RNLS: variants seen among roughly 807,000 people sequenced by gnomAD.
The protein encoded by RNLS is renalase, FAD dependent amine oxidase.
Under a neutral mutation model 39.8 loss-of-function variants are expected in RNLS, and 39 were observed. The ratio of observed to expected loss-of-function variants is 0.98; its 90% CI spans 0.76 to 1.28. RNLS has a LOEUF of 1.28. Ranked by LOEUF, RNLS falls within the 50% of genes most tolerant of loss-of-function variation. RNLS has a pLI of 0.00. For synonymous variants in RNLS, 147 were observed against 150.7 expected (o/e 0.98, Z 0.18); for missense variants, 410 against 413.3 (o/e 0.99, Z 0.07).
At chr10:88,574,976 T>C (rs1012255606) in intron 3 of RNLS, among the ~76,000 whole-genome samples, 2 of 151,790 alleles carry the variant, frequency 1.3e-5, no homozygotes, top group African/African-American at 2.4e-5. Context: ...TTTCTCATAA[T>C]ATTCCTTTGA....
At position 88,572,654 on chromosome 10, in the gene RNLS, A is replaced by ATCCTTC. The variant is rs2134445922; in HGVS notation, c.526+248_526+249insGAAGGA. 1.3e-5 allele frequency among the ~76,000 whole-genome samples: 2 copies of ATCCTTC among 152,332 alleles called. 1 individual carries two copies. Among genetic ancestry groups the ATCCTTC allele is most frequent in the East Asian group, 3.9e-4 (2 of 5,186 alleles). On this transcript the variant is annotated intron_variant, in intron 4 of 6. Transcript: ENST00000331772. ...GGCAAAATCATTTCATATCCATCAA[A>ATCCTTC]AATACTGACGTGTTGAAGACATGGG...
downstream of RNLS, chr10:88,284,054 T>C: frequency 1.3e-6 from 1 of 786,528 alleles, no homozygotes; most frequent in Non-Finnish European, 1.5e-6. Context: ...GACTACAAAT[T>C]TCCTTCTTCC....
At chr10:88,374,362 ATTAG>A (rs201295018) in intron 4 of RNLS, among the ~76,000 whole-genome samples, 2,057 of 152,234 alleles carry the variant, frequency 0.014, 41 homozygotes, top group African/African-American at 0.047. Flanking sequence ...TCTGTTATTA[ATTAG>A]TTAGTATATA....
chr10:88,179,364 T>C, the RNLS span, among the ~76,000 whole-genome samples: 3 of 152,198 alleles, frequency 2.0e-5, no homozygotes, highest in Non-Finnish European at 4.4e-5. Context: ...GGTAGCAGGC[T>C]AGTTAGTAGA....
At chr10:88,409,513 A>G (rs922508864) in intron 4 of RNLS, among the ~76,000 whole-genome samples, 1 of 152,168 alleles carries the variant, frequency 6.6e-6, no homozygotes, top group African/African-American at 2.4e-5. Flanking sequence ...GTGATTTTAC[A>G]TCTTATCTCC....
At chr10:88,269,878 C>T (rs540553594), downstream of RNLS, among the ~76,000 whole-genome samples, 2 of 152,212 alleles carry the variant, frequency 1.3e-5, no homozygotes, top group South Asian at 2.1e-4. Context: ...GACAGAGTCT[C>T]GCTCTGTTGC....
intron 6 of RNLS, among the ~76,000 whole-genome samples, chr10:88,308,175 C>G (rs1473652082): frequency 6.6e-6 from 1 of 152,186 alleles, no homozygotes; most frequent in African/African-American, 2.4e-5. Flanking sequence ...TATAAACACC[C>G]TGGAAGACAA....
intron 3 of RNLS, among the ~76,000 whole-genome samples, chr10:88,575,583 G>A (rs760143681): frequency 5.3e-5 from 8 of 152,092 alleles, no homozygotes; most frequent in Non-Finnish European, 8.8e-5. Context: ...AACCAGAAAG[G>A]CTTCCTTTCC....
intron 4 of RNLS, among the ~76,000 whole-genome samples, chr10:88,439,060 T>C (rs762851460): frequency 4.6e-5 from 7 of 152,318 alleles, no homozygotes; most frequent in Non-Finnish European, 7.3e-5. Flanking sequence ...CATATTCTCA[T>C]GTGCAGCCCA....
chr10:88,488,512 C>T (rs977827248), intron 4 of RNLS, among the ~76,000 whole-genome samples: 1 of 141,212 alleles, frequency 7.1e-6, no homozygotes, highest in Non-Finnish European at 1.5e-5. Context: ...CGCCATTGCA[C>T]TCCAGCCTAG....
intron 4 of RNLS, among the ~76,000 whole-genome samples, chr10:88,426,215 T>G (rs958219331): frequency 6.6e-5 from 10 of 151,998 alleles, no homozygotes; most frequent in Admixed American, 3.3e-4. Flanking sequence ...ACACAAGAAT[T>G]AAAACCCATA....
At chr10:88,203,262 G>GA in the RNLS span, among the ~76,000 whole-genome samples, 2 of 17,490 alleles carry the variant, frequency 1.1e-4, 1 homozygote, top group Non-Finnish European at 1.9e-4. Context: ...GTGTGTGTGT[G>GA]TGTATGTATA....
chr10:88,421,281 CT>C (rs138965138), intron 4 of RNLS, among the ~76,000 whole-genome samples: 18,039 of 152,208 alleles, frequency 0.12, 1,168 homozygotes, highest in Admixed American at 0.2. Context: ...CCTGTCCTTT[CT>C]GTGTAAAGCC....
chr10:88,274,106 G>A (rs953244093), exon 7 of RNLS: 2 of 152,086 alleles, frequency 1.3e-5, no homozygotes, highest in African/African-American at 4.8e-5. Context: ...AGAGAGAGGG[G>A]CCTCACACTT....
chr10:88,178,255 A>G, the RNLS span, among the ~76,000 whole-genome samples: 1 of 152,112 alleles, frequency 6.6e-6, no homozygotes, highest in African/African-American at 2.4e-5. Flanking sequence ...GGATGTGGAA[A>G]TGTTAATGTT....
At chr10:88,406,768 A>G (rs1227398825) in intron 4 of RNLS, among the ~76,000 whole-genome samples, 1 of 152,116 alleles carries the variant, frequency 6.6e-6, no homozygotes. Context: ...TGTTTATAGC[A>G]GCACAATTCA....
chr10:88,501,891 C>A (rs1370004055), intron 4 of RNLS, among the ~76,000 whole-genome samples: 1 of 152,132 alleles, frequency 6.6e-6, no homozygotes, highest in East Asian at 1.9e-4. Flanking sequence ...GATCTTCACT[C>A]CCTGTTGAGA....
chr10:88,502,767 G>A (rs1040434856), intron 4 of RNLS, among the ~76,000 whole-genome samples: 83 of 152,010 alleles, frequency 5.5e-4, no homozygotes, highest in Admixed American at 5.1e-3. Context: ...AGGAACCTGA[G>A]GTTCTTCCTG....
chr10:88,576,519 G>C (rs1362757418), intron 3 of RNLS, among the ~76,000 whole-genome samples: 2 of 152,130 alleles, frequency 1.3e-5, no homozygotes, highest in Admixed American at 1.3e-4. Context: ...GCTCAGGTGG[G>C]ACCTGAAGTG....
Sources: allele counts gnomAD v4.1 joint callset (sites outside exome capture counted in the v4.1 genomes callset), GRCh38; gene constraint gnomAD v4.1.1; transcripts MANE v1.5; gene names NCBI Gene and HGNC (gene_info 2026-07-23, HGNC 2026-07-21).